Variants in OR1J2 observed in about 807,000 individuals in gnomAD.
OR1J2 encodes olfactory receptor 1J2.
For missense variants in OR1J2, 304 were observed against 246.1 expected (o/e 1.24, Z -1.57); for synonymous variants, 142 against 99.7 (o/e 1.42, Z -2.52).
the OR1J2 span, among the ~76,000 whole-genome samples, chr9:122,559,198 C>G: frequency 8.5e-5 from 13 of 152,212 alleles, no homozygotes; most frequent in East Asian, 2.5e-3. Flanking sequence ...TATCCCTGTT[C>G]CCCACTCCTC....
At chr9:122,547,515 A>G in the OR1J2 span, among the ~76,000 whole-genome samples, 1 of 151,870 alleles carries the variant, frequency 6.6e-6, no homozygotes. Flanking sequence ...GCAATTTCTC[A>G]TCCCTCAGCC....
At chr9:122,539,909 T>A in the OR1J2 span, among the ~76,000 whole-genome samples, 1 of 151,926 alleles carries the variant, frequency 6.6e-6, no homozygotes, top group Non-Finnish European at 1.5e-5. Flanking sequence ...TGCATAAATG[T>A]CTTCTTTTGA....
At chr9:122,569,340 T>C in the OR1J2 span, among the ~76,000 whole-genome samples, 2 of 152,172 alleles carry the variant, frequency 1.3e-5, no homozygotes, top group African/African-American at 4.8e-5. Flanking sequence ...GTTAAAAATA[T>C]ATATGAGAAA....
At chr9:122,575,576 G>A in the OR1J2 span, among the ~76,000 whole-genome samples, 1 of 151,974 alleles carries the variant, frequency 6.6e-6, no homozygotes, top group Non-Finnish European at 1.5e-5. Context: ...AATAATTTGT[G>A]TCCTCTGTCT....
At chr9:122,499,955 G>A in the OR1J2 span, among the ~76,000 whole-genome samples, 1 of 152,216 alleles carries the variant, frequency 6.6e-6, no homozygotes, top group African/African-American at 2.4e-5. Context: ...AGCCACAGCT[G>A]TAGCAGCTCT....
chr9:122,516,335 G>C (rs1345748619), downstream of OR1J2, among the ~76,000 whole-genome samples: 1 of 123,536 alleles, frequency 8.1e-6, no homozygotes, highest in South Asian at 2.7e-4. Context: ...ACGGAGTCTC[G>C]CTCTGTCGCC....
chr9:122,466,389 T>G, the OR1J2 span, among the ~76,000 whole-genome samples: 1 of 152,202 alleles, frequency 6.6e-6, no homozygotes, highest in Non-Finnish European at 1.5e-5. Context: ...TACCTATGGA[T>G]GCCGAATCTA....
At chr9:122,526,476 G>T in the OR1J2 span, 1 of 1,568,336 alleles carries the variant, frequency 6.4e-7, no homozygotes, top group South Asian at 1.2e-5. Context: ...GTACATTGCA[G>T]CTGCTGCAAT....
chr9:122,503,693 A>G, the OR1J2 span, among the ~76,000 whole-genome samples: 4 of 152,178 alleles, frequency 2.6e-5, no homozygotes, highest in Non-Finnish European at 1.5e-5. Flanking sequence ...AAAATACTCT[A>G]TCTCTGAACT....
At chr9:122,576,379 G>A in the OR1J2 span, among the ~76,000 whole-genome samples, 33 of 144,878 alleles carry the variant, frequency 2.3e-4, no homozygotes, top group East Asian at 2.4e-3. Flanking sequence ...GAGCCACCAC[G>A]CCCAGCTAAT....
the OR1J2 span, among the ~76,000 whole-genome samples, chr9:122,456,182 G>C: frequency 5.9e-5 from 9 of 152,194 alleles, no homozygotes; most frequent in Admixed American, 5.9e-4. Flanking sequence ...GGGAGGAAGA[G>C]TCTGGGGATG....
At chr9:122,451,124 C>T in the OR1J2 span, among the ~76,000 whole-genome samples, 1 of 149,648 alleles carries the variant, frequency 6.7e-6, no homozygotes, top group African/African-American at 2.4e-5. Context: ...ACTATCTTCT[C>T]TCTTCCCTTT....
the OR1J2 span, among the ~76,000 whole-genome samples, chr9:122,462,807 G>A: frequency 6.6e-6 from 1 of 152,148 alleles, no homozygotes. Context: ...TTGTCTGATA[G>A]GTTTTCCTTT....
chr9:122,559,749 G>A, the OR1J2 span, among the ~76,000 whole-genome samples: 1 of 152,122 alleles, frequency 6.6e-6, no homozygotes, highest in African/African-American at 2.4e-5. Context: ...CAGTGATGTG[G>A]TCAATTTTAG....
At chr9:122,475,402 CAG>C in the OR1J2 span, among the ~76,000 whole-genome samples, 2 of 152,188 alleles carry the variant, frequency 1.3e-5, no homozygotes, top group Non-Finnish European at 2.9e-5. Flanking sequence ...CTCACAAAAG[CAG>C]GGGATATATA....
At chr9:122,467,262 TTTG>T in the OR1J2 span, among the ~76,000 whole-genome samples, 1 of 152,202 alleles carries the variant, frequency 6.6e-6, no homozygotes, top group Non-Finnish European at 1.5e-5. Flanking sequence ...ACTGACTACT[TTTG>T]TTTCACAGCC....
chr9:122,577,403 C>T, the OR1J2 span, among the ~76,000 whole-genome samples: 1 of 152,002 alleles, frequency 6.6e-6, no homozygotes, highest in Admixed American at 6.6e-5. Context: ...CCTCCACATA[C>T]AAAAATCGTT....
chr9:122,564,231 T>C, the OR1J2 span, among the ~76,000 whole-genome samples: 1 of 152,232 alleles, frequency 6.6e-6, no homozygotes, highest in East Asian at 1.9e-4. Context: ...AGATCCAACT[T>C]ACGGTGTGTC....
chr9:122,553,638 C>T, the OR1J2 span: 1 of 1,614,114 alleles, frequency 6.2e-7, no homozygotes, highest in African/African-American at 1.3e-5. Context: ...GAGTCCCCAG[C>T]TCTGTGCACT....
Sources: allele counts gnomAD v4.1 joint callset (sites outside exome capture counted in the v4.1 genomes callset), GRCh38; gene constraint gnomAD v4.1.1; transcripts MANE v1.5; gene names NCBI Gene and HGNC (gene_info 2026-07-23, HGNC 2026-07-21).